CIMAP3: variants seen among roughly 807,000 people sequenced by gnomAD.
CIMAP3 encodes ciliary microtubule-associated protein 3.
chr1:111,347,639 G>GGGTTTTTTTTT, the CIMAP3 span: 1 of 1,073,980 alleles, frequency 9.3e-7, no homozygotes. Context: ...TTTTTTTTTG[G>GGGTTTTTTTTT]TGTTTTTGTT....
chr1:111,351,148 T>TC, the CIMAP3 span: 2 of 794,226 alleles, frequency 2.5e-6, no homozygotes, highest in South Asian at 3.2e-5. Flanking sequence ...GAGTTGGGAT[T>TC]CACCTCTATA....
At chr1:111,327,071 C>T in the CIMAP3 span, among the ~76,000 whole-genome samples, 2 of 152,070 alleles carry the variant, frequency 1.3e-5, no homozygotes, top group Non-Finnish European at 2.9e-5. Flanking sequence ...GCCTCATTTG[C>T]TGCACAGAAG....
chr1:111,338,125 A>T, the CIMAP3 span, among the ~76,000 whole-genome samples: 2 of 150,850 alleles, frequency 1.3e-5, no homozygotes, highest in Admixed American at 6.6e-5. Flanking sequence ...GAAGGCAGAA[A>T]TAAAGATGTT....
chr1:111,340,015 T>C, the CIMAP3 span, among the ~76,000 whole-genome samples: 6 of 151,466 alleles, frequency 4.0e-5, no homozygotes, highest in Admixed American at 2.6e-4. Flanking sequence ...GAGATACAGA[T>C]CAATGGAACA....
At chr1:111,329,547 AT>A in the CIMAP3 span, among the ~76,000 whole-genome samples, 64 of 67,092 alleles carry the variant, frequency 9.5e-4, 1 homozygote, top group African/African-American at 3.1e-3. Flanking sequence ...ATATATATAT[AT>A]ATATATATAT....
chr1:111,346,632 T>G, the CIMAP3 span: 7 of 1,613,902 alleles, frequency 4.3e-6, no homozygotes, highest in Admixed American at 1.0e-4. Context: ...AGTACACAAG[T>G]GCTAGCCCTA....
chr1:111,336,054 G>A, the CIMAP3 span, among the ~76,000 whole-genome samples: 12 of 152,232 alleles, frequency 7.9e-5, no homozygotes, highest in African/African-American at 2.7e-4. Flanking sequence ...AAAAACCGCT[G>A]TTCTGCAAAC....
At chr1:111,337,404 A>T in the CIMAP3 span, among the ~76,000 whole-genome samples, 1 of 152,184 alleles carries the variant, frequency 6.6e-6, no homozygotes, top group Admixed American at 6.5e-5. Flanking sequence ...CAGACTGGCA[A>T]ATTGGATAAA....
chr1:111,346,573 G>A, the CIMAP3 span: 2 of 1,602,274 alleles, frequency 1.2e-6, no homozygotes, highest in Non-Finnish European at 1.7e-6. Context: ...CCCTCCCCGC[G>A]CTCCGCAGCT....
At chr1:111,330,228 T>C in the CIMAP3 span, among the ~76,000 whole-genome samples, 4 of 152,228 alleles carry the variant, frequency 2.6e-5, no homozygotes, top group African/African-American at 9.6e-5. Flanking sequence ...GTTGGAGAGC[T>C]GGTATGGTCA....
chr1:111,347,638 G>GTGTTTTTGTTT, the CIMAP3 span: 1 of 818,776 alleles, frequency 1.2e-6, no homozygotes, highest in Non-Finnish European at 1.7e-6. Flanking sequence ...TTTTTTTTTT[G>GTGTTTTTGTTT]GTGTTTTTGT....
At chr1:111,338,526 C>G in the CIMAP3 span, among the ~76,000 whole-genome samples, 3 of 151,924 alleles carry the variant, frequency 2.0e-5, no homozygotes, top group Non-Finnish European at 1.5e-5. Flanking sequence ...GGGGATATCA[C>G]CACCGATCCC....
the CIMAP3 span, among the ~76,000 whole-genome samples, chr1:111,338,606 G>T: frequency 6.6e-6 from 1 of 152,148 alleles, no homozygotes; most frequent in Non-Finnish European, 1.5e-5. Context: ...AAATCTAGAG[G>T]AAATCGATAA....
chr1:111,348,812 AG>A, the CIMAP3 span: 2 of 700,778 alleles, frequency 2.9e-6, no homozygotes, highest in Middle Eastern at 5.6e-4. Flanking sequence ...CTGGCATTGT[AG>A]AATGTAGAAT....
chr1:111,350,568 C>T, the CIMAP3 span, among the ~76,000 whole-genome samples: 2 of 152,174 alleles, frequency 1.3e-5, no homozygotes, highest in South Asian at 2.1e-4. Context: ...GATCTTGTGA[C>T]TCCTAATACA....
At chr1:111,338,528 A>T in the CIMAP3 span, among the ~76,000 whole-genome samples, 1 of 152,148 alleles carries the variant, frequency 6.6e-6, no homozygotes, top group African/African-American at 2.4e-5. Flanking sequence ...GGATATCACC[A>T]CCGATCCCAC....
chr1:111,352,031 G>A, the CIMAP3 span: 1 of 152,160 alleles, frequency 6.6e-6, no homozygotes, highest in Admixed American at 6.5e-5. Flanking sequence ...AGGGCAGCTA[G>A]GGGATTGGGT....
chr1:111,348,349 T>C, the CIMAP3 span: 1 of 615,804 alleles, frequency 1.6e-6, no homozygotes, highest in African/African-American at 1.9e-5. Context: ...CACACCCGTA[T>C]CTCGGTTTTC....
chr1:111,325,682 T>C, the CIMAP3 span, among the ~76,000 whole-genome samples: 4 of 152,202 alleles, frequency 2.6e-5, no homozygotes, highest in South Asian at 8.3e-4. Flanking sequence ...AAATAATTTC[T>C]AACAAAATAA....
Sources: allele counts gnomAD v4.1 joint callset (sites outside exome capture counted in the v4.1 genomes callset), GRCh38; gene constraint gnomAD v4.1.1; transcripts MANE v1.5; gene names NCBI Gene and HGNC (gene_info 2026-07-23, HGNC 2026-07-21).